Variants in CCDC141 observed in about 807,000 individuals in gnomAD.
CCDC141 encodes the protein coiled-coil domain containing 141.
CCDC141 carries 168 observed loss-of-function variants against 181.0 expected under a neutral mutation model. That is an observed-to-expected ratio of 0.93 (90% CI 0.82 to 1.05). The LOEUF is 1.05. Among genes scored for constraint, CCDC141 ranks in the 50% least tolerant of loss-of-function variants. The probability of loss-of-function intolerance (pLI) is 0.00; values close to 1 mark genes in which losing one functional copy is unlikely to be tolerated. For missense variants in CCDC141, 1,902 were observed against 1,788.5 expected (o/e 1.06, Z -1.14); for synonymous variants, 666 against 642.3 (o/e 1.04, Z -0.56).
chr2:178,940,044 T>C (rs528333063), intron 6 of CCDC141, among the ~76,000 whole-genome samples: 28 of 152,228 alleles, frequency 1.8e-4, no homozygotes, highest in African/African-American at 6.5e-4. Context: ...TCTTAAGATA[T>C]GAGGAAATAC....
rs780887141 is a variant in CCDC141 at position 178,865,731 on chromosome 2, TG to T, written c.2724+35del. The T allele has an allele frequency of 8.4e-6, 12 of 1,431,792 alleles. No homozygotes were observed. In the African/African-American group the frequency reaches 1.4e-4, roughly 17 times the overall value. The allele number at this position is 1,431,792 out of a possible 1,614,324, so 88.7% of individuals were successfully genotyped here. A position where few individuals can be genotyped will look rare whatever the true frequency, so the allele number is the denominator to read the frequency against. On this transcript the variant is annotated intron_variant, in intron 17 of 23. Transcript: ENST00000443758. The stretch of plus-strand genomic sequence containing the variant: ...CATGCTTTAGGTTCAAACAGCTTTT[TG>T]GCAATGTGCCAGTTCTCACCCCTCC...
intron 18 of CCDC141, 22 bp from the exon 19 acceptor site, chr2:178,855,563 T>C: frequency 6.6e-7 from 1 of 1,509,390 alleles, no homozygotes; most frequent in Non-Finnish European, 8.9e-7. Flanking sequence ...ACAAAAAGTT[T>C]TTTAAACAAC....
intron 21 of CCDC141, 79 bp downstream of exon 21, chr2:178,849,970 C>A: frequency 1.3e-6 from 1 of 765,128 alleles, no homozygotes; most frequent in Non-Finnish European, 2.2e-6. Flanking sequence ...GTTAAAATGT[C>A]TTTGCACCAG....
chr2:178,905,599 T>A, intron 7 of CCDC141, 98 bp from the exon 8 acceptor site: 2 of 1,099,738 alleles, frequency 1.8e-6, no homozygotes, highest in African/African-American at 1.6e-5. Context: ...GCCAAACAAT[T>A]TGTTAGTTTC....
At chr2:178,963,403 C>G (rs185945741) in intron 4 of CCDC141, among the ~76,000 whole-genome samples, 18 of 151,996 alleles carry the variant, frequency 1.2e-4, no homozygotes, top group Non-Finnish European at 5.9e-5. Flanking sequence ...ATAACAGCGT[C>G]AAATATACTG....
chr2:178,890,132 G>C (rs1687077065), intron 8 of CCDC141, among the ~76,000 whole-genome samples: 1 of 152,146 alleles, frequency 6.6e-6, no homozygotes, highest in Non-Finnish European at 1.5e-5. Context: ...AGAAGGTACA[G>C]AGAACAAAGG....
chr2:178,977,152 A>T (rs1691157492), intron 3 of CCDC141, among the ~76,000 whole-genome samples: 2 of 152,206 alleles, frequency 1.3e-5, no homozygotes, highest in South Asian at 2.1e-4. Flanking sequence ...TAGATTCAAT[A>T]AAAGCTCACG....
chr2:178,888,372 T>C (rs1275492582), intron 9 of CCDC141, among the ~76,000 whole-genome samples, 155 bp downstream of exon 9: 3 of 152,172 alleles, frequency 2.0e-5, no homozygotes, highest in African/African-American at 7.2e-5. Context: ...AACAGTGAAT[T>C]ACAACTCTGT....
intron 23 of CCDC141, among the ~76,000 whole-genome samples, chr2:178,835,276 C>T (rs1216698742): frequency 2.6e-5 from 4 of 152,130 alleles, no homozygotes; most frequent in African/African-American, 2.4e-5. Flanking sequence ...GAGATCACTT[C>T]ATTTAATTTT....
chr2:178,908,708 C>T (rs1688091362), intron 7 of CCDC141, among the ~76,000 whole-genome samples: 1 of 152,168 alleles, frequency 6.6e-6, no homozygotes, highest in Non-Finnish European at 1.5e-5. Flanking sequence ...GCCTTTCTTC[C>T]TTAAGATAAT....
chr2:179,031,113 A>G (rs2042987812), intron 2 of CCDC141, among the ~76,000 whole-genome samples: 1 of 152,098 alleles, frequency 6.6e-6, no homozygotes. Context: ...AAAAAAGACT[A>G]AACTATCTCA....
At chr2:178,843,731 C>T (rs573479726) in intron 22 of CCDC141, among the ~76,000 whole-genome samples, 1 of 152,300 alleles carries the variant, frequency 6.6e-6, no homozygotes, top group African/African-American at 2.4e-5. Context: ...AATACCAGGA[C>T]AAGCTTTTCA....
Position 178,888,644 on chromosome 2 carries a change from C to T in CCDC141, c.1290G>A (p.Glu430=), listed in dbSNP as rs1283599794. ...SCSSQVSGIH[E]MMGCIKRRVD... is the part of the protein sequence containing the mutation. ...CTCGTCTCTTAATGCACCCCATCAT[C>T]TCATGGATGCCGGACACCTGAGAGC... The change falls in exon 9 of 24, where the codon GAG becomes GAA. Residue 430 remains glutamate (E), a synonymous_variant. Transcript: ENST00000443758. 3 of 1,550,730 alleles carry T rather than the reference C, an allele frequency of 1.9e-6. No individual in the cohort carries two copies. In the South Asian group the frequency reaches 3.6e-5, roughly 18 times the overall value.
At chr2:179,039,284 A>G (rs527848670) in intron 2 of CCDC141, among the ~76,000 whole-genome samples, 1 of 152,102 alleles carries the variant, frequency 6.6e-6, no homozygotes, top group Non-Finnish European at 1.5e-5. Flanking sequence ...AAAAATTCTC[A>G]GTTTTCGGAA....
At chr2:179,032,320 G>A (rs1425571110) in intron 2 of CCDC141, among the ~76,000 whole-genome samples, 2 of 152,154 alleles carry the variant, frequency 1.3e-5, no homozygotes, top group Non-Finnish European at 2.9e-5. Context: ...GCATCTGCCT[G>A]GTTGCTTCCA....
chr2:178,857,093 T>G (rs897187154), intron 17 of CCDC141, among the ~76,000 whole-genome samples: 1 of 152,256 alleles, frequency 6.6e-6, no homozygotes, highest in Non-Finnish European at 1.5e-5. Flanking sequence ...TCTAGTTTTC[T>G]TATTTGAATT....
chr2:178,861,015 G>A (rs1685590787), intron 17 of CCDC141, among the ~76,000 whole-genome samples: 2 of 152,102 alleles, frequency 1.3e-5, no homozygotes, highest in African/African-American at 4.8e-5. Context: ...TTATGGAATG[G>A]ATGCTTTTAG....
At chr2:178,864,803 A>T (rs1460392203) in intron 17 of CCDC141, among the ~76,000 whole-genome samples, 2 of 152,224 alleles carry the variant, frequency 1.3e-5, no homozygotes, top group East Asian at 3.8e-4. Flanking sequence ...TGCTGGGTCT[A>T]GTTGATGTAA....
chr2:178,951,529 ATTGT>A (rs1279800539), intron 5 of CCDC141, among the ~76,000 whole-genome samples: 4 of 152,328 alleles, frequency 2.6e-5, no homozygotes, highest in Admixed American at 1.3e-4. Flanking sequence ...CATGCCATTG[ATTGT>A]TTGTTTAACA....
Sources: allele counts gnomAD v4.1 joint callset (sites outside exome capture counted in the v4.1 genomes callset), GRCh38; gene constraint gnomAD v4.1.1; transcripts MANE v1.5; gene names NCBI Gene and HGNC (gene_info 2026-07-23, HGNC 2026-07-21).